TNNI3K: variants seen among roughly 807,000 people sequenced by gnomAD.
The protein encoded by TNNI3K is serine/threonine-protein kinase TNNI3K.
A neutral mutation model predicts 114.5 loss-of-function variants in TNNI3K; 140 were observed. That is an observed-to-expected ratio of 1.22 (90% confidence interval 1.07 to 1.41). The LOEUF is 1.41. Among genes scored for constraint, TNNI3K ranks in the 40% most tolerant of loss-of-function variants. TNNI3K has a pLI of 0.00. For synonymous variants in TNNI3K, 347 were observed against 347.5 expected, an observed-to-expected ratio of 1.00 and a Z score of 0.02; for missense variants, 1,125 against 1,007.6, an observed-to-expected ratio of 1.12 and a Z score of -1.58.
At chr1:74,331,182 A>G (rs765819478) in intron 5 of TNNI3K, among the ~76,000 whole-genome samples, 11 of 151,958 alleles carry the variant, frequency 7.2e-5, no homozygotes, top group Non-Finnish European at 1.0e-4. Flanking sequence ...TGACTCTACA[A>G]TTGGGTTTAG....
chr1:74,326,359 A>G (rs17095136), intron 5 of TNNI3K, among the ~76,000 whole-genome samples: 2,417 of 152,242 alleles, frequency 0.016, 62 homozygotes, highest in African/African-American at 0.056. Flanking sequence ...CCTTAAAATA[A>G]AAGAGAGGGA....
At chr1:74,388,338 C>T (rs565142327) in intron 17 of TNNI3K, among the ~76,000 whole-genome samples, 2 of 152,246 alleles carry the variant, frequency 1.3e-5, no homozygotes, top group Admixed American at 6.5e-5. Context: ...AATATTCTTC[C>T]TCTTGATGGC....
chr1:74,532,305 CTCTG>C (rs1256915920), intron 23 of TNNI3K, among the ~76,000 whole-genome samples: 4 of 152,134 alleles, frequency 2.6e-5, no homozygotes, highest in Non-Finnish European at 5.9e-5. Flanking sequence ...TCTGATTTTG[CTCTG>C]ATTATAAGGG....
At chr1:74,455,161 A>G (rs1017364657) in intron 20 of TNNI3K, among the ~76,000 whole-genome samples, 1 of 152,148 alleles carries the variant, frequency 6.6e-6, no homozygotes, top group African/African-American at 2.4e-5. Context: ...AGCACAGAGG[A>G]CTAAGGATGC....
intron 2 of TNNI3K, among the ~76,000 whole-genome samples, chr1:74,243,373 G>T (rs1024916480): frequency 6.6e-6 from 1 of 152,118 alleles, no homozygotes; most frequent in African/African-American, 2.4e-5. Context: ...CAATGAATAG[G>T]CAAGAAGTTG....
intron 5 of TNNI3K, among the ~76,000 whole-genome samples, chr1:74,289,321 G>A (rs187608824): frequency 1.1e-3 from 171 of 151,850 alleles, no homozygotes; most frequent in Middle Eastern, 6.8e-3. Context: ...TGTTTAAAAC[G>A]TATCCATTTC....
chr1:74,301,490 C>T (rs1658329572), intron 5 of TNNI3K, among the ~76,000 whole-genome samples: 1 of 151,978 alleles, frequency 6.6e-6, no homozygotes, highest in African/African-American at 2.4e-5. Context: ...AGATCAATAG[C>T]TATCACATCA....
Position 74,353,161 on chromosome 1 carries a change from G to T in TNNI3K, c.933-105G>T, listed in dbSNP as rs542978050. ...TACAGTCTCATTGTCAGGTTATGGG[G>T]GTTATAACTTCAGCATATGATTTTT... On this transcript the variant is annotated intron_variant, in intron 9 of 24. Coordinates refer to ENST00000326637, the MANE Select transcript of TNNI3K (RefSeq NM_015978.3). The T allele has an allele frequency of 2.0e-5, 23 of 1,152,464 alleles. No individual in the cohort carries two copies. In the East Asian group the frequency reaches 3.3e-4, roughly 17 times the overall value. The allele number at this position is 1,152,464 out of a possible 1,614,324, so 71.4% of individuals were successfully genotyped here. A position where few individuals can be genotyped will look rare whatever the true frequency, so the allele number is the denominator to read the frequency against.
chr1:74,399,103 C>T (rs1276056604), intron 17 of TNNI3K, among the ~76,000 whole-genome samples: 1 of 149,258 alleles, frequency 6.7e-6, no homozygotes, highest in East Asian at 2.0e-4. Flanking sequence ...TTGCAGTGAG[C>T]CGCCCAGATC....
chr1:74,469,831 G>T (rs1570661069), intron 21 of TNNI3K: 18 of 399,942 alleles, frequency 4.5e-5, no homozygotes, highest in Non-Finnish European at 8.9e-6. Context: ...TCCTCTTGAA[G>T]AAAGCTAAAG....
At chr1:74,505,114 G>T (rs1669827215) in intron 23 of TNNI3K, among the ~76,000 whole-genome samples, 3 of 152,236 alleles carry the variant, frequency 2.0e-5, no homozygotes, top group African/African-American at 7.2e-5. Context: ...GGAGGGCCCG[G>T]GCCCACTCTT....
chr1:74,498,101 A>G (rs1669425911), intron 23 of TNNI3K, among the ~76,000 whole-genome samples: 1 of 152,220 alleles, frequency 6.6e-6, no homozygotes, highest in South Asian at 2.1e-4. Flanking sequence ...AATCTCAAAA[A>G]ACAAAAAATT....
intron 23 of TNNI3K, 95 bp from the exon 24 acceptor site, chr1:74,540,139 C>A: frequency 7.6e-7 from 1 of 1,321,998 alleles, no homozygotes; most frequent in Non-Finnish European, 1.0e-6. Flanking sequence ...TTTGCCATTT[C>A]TCTGGGATCT....
chr1:74,426,151 C>T (rs1286877564), intron 17 of TNNI3K, among the ~76,000 whole-genome samples: 1 of 152,024 alleles, frequency 6.6e-6, no homozygotes. Flanking sequence ...GATGGAGATA[C>T]CATAGTAAAA....
At chr1:74,306,473 GA>G (rs1353867093) in intron 5 of TNNI3K, among the ~76,000 whole-genome samples, 4 of 152,160 alleles carry the variant, frequency 2.6e-5, no homozygotes, top group African/African-American at 9.7e-5. Context: ...CACAGGGGCT[GA>G]ACTAATTTAC....
At chr1:74,352,702 T>C (rs7527561) in intron 9 of TNNI3K, among the ~76,000 whole-genome samples, 151,910 of 152,316 alleles carry the variant, frequency 1, 75,754 homozygotes, top group Non-Finnish European at 1. Flanking sequence ...TGCCACCTTG[T>C]AGTTTGATCT....
At chr1:74,333,310 G>C (rs1416081529) in intron 6 of TNNI3K, among the ~76,000 whole-genome samples, 1 of 152,196 alleles carries the variant, frequency 6.6e-6, no homozygotes, top group African/African-American at 2.4e-5. Flanking sequence ...GAGTGCACTG[G>C]AGTGCAATGA....
Position 74,464,905 on chromosome 1 carries a change from G to A in TNNI3K, c.2121+1355G>A. 1.6e-6 allele frequency: 2 copies of A among 1,288,894 alleles called. 1 individual carries two copies. The highest frequency in any genetic ancestry group is 5.8e-5 in the East Asian group (2 of 34,482). 79.8% of individuals were successfully genotyped at this position (1,288,894 alleles called of 1,614,324 possible). A position where few individuals can be genotyped will look rare whatever the true frequency, so the allele number is the denominator to read the frequency against. ...CTGGATGCTTAAGAATGTTTGTTGA[G>A]TAAATGAATGAATACCAGTATTGCC... On this transcript the variant is annotated intron_variant, in intron 21 of 24. Coordinates refer to ENST00000326637, the MANE Select transcript of TNNI3K (RefSeq NM_015978.3).
intron 5 of TNNI3K, among the ~76,000 whole-genome samples, chr1:74,286,090 G>A (rs1287623405): frequency 6.6e-6 from 1 of 152,190 alleles, no homozygotes; most frequent in Non-Finnish European, 1.5e-5. Context: ...AAGACACATT[G>A]AAGAGGACAA....
Sources: gnomAD v4.1 joint callset for allele counts (sites outside exome capture counted in the v4.1 genomes callset) on GRCh38, gnomAD v4.1.1 for gene constraint, MANE v1.5 for transcripts, NCBI Gene and HGNC (gene_info 2026-07-23, HGNC 2026-07-21) for gene names.